P2RY6: variants seen among roughly 807,000 people sequenced by gnomAD.
P2RY6 encodes the protein P2Y purinoceptor 6.
P2RY6 carries 19 observed loss-of-function variants against 16.3 expected under a neutral mutation model. The ratio of observed to expected loss-of-function variants is 1.16; its 90% CI spans 0.81 to 1.71. The LOEUF is 1.71. P2RY6 is among the 40% of genes most tolerant of loss of function. P2RY6 has a pLI of 0.00. For missense variants in P2RY6, 389 were observed against 455.5 expected, an observed-to-expected ratio of 0.85 and a Z score of 1.33; for synonymous variants, 184 against 201.5, an observed-to-expected ratio of 0.91 and a Z score of 0.74.
chr11:73,270,620 T>C (rs530314053), upstream of P2RY6, among the ~76,000 whole-genome samples: 250 of 152,324 alleles, frequency 1.6e-3, no homozygotes, highest in Non-Finnish European at 3.1e-3. Context: ...TTGAGGGATG[T>C]GCTCCCTCTC....
chr11:73,297,320 A>G lies in P2RY6; in HGVS notation c.802A>G (p.Thr268Ala). Residue 268 changes from threonine (T) to alanine (A), a missense_variant, in exon 3 of 3, where the codon ACG becomes GCG. Transcript: ENST00000540124. Reference protein sequence around the residue: ...TKTAYLAVRSTPGVPCTVLEA... With the variant: ...TKTAYLAVRSAPGVPCTVLEA... ...GACAGCCTACCTGGCAGTGCGCTCG[A>G]CGCCGGGCGTCCCCTGCACTGTATT... is the stretch of plus-strand genomic sequence containing the variant. The G allele has an allele frequency of 1.9e-6, 3 of 1,610,368 alleles. No individual in the cohort carries two copies. The highest frequency in any genetic ancestry group is 1.7e-6 in the Non-Finnish European group (2 of 1,178,766).
intron 1 of P2RY6, among the ~76,000 whole-genome samples, chr11:73,281,186 A>G (rs1442324881): frequency 1.3e-5 from 2 of 152,074 alleles, no homozygotes; most frequent in African/African-American, 4.8e-5. Context: ...GGCACTGACC[A>G]CTCTAAATGG....
At position 73,292,209 on chromosome 11, in the gene P2RY6, C is replaced by T. The variant is rs559352816; in HGVS notation, c.-120-3521C>T. Among the ~76,000 whole-genome samples the T allele has an allele frequency of 5.9e-5, 9 of 152,342 alleles. No individual in the cohort carries two copies. The South Asian group carries it at 1.2e-3, about 21-fold the overall frequency. Reference sequence around the variant, plus strand: ...GCGCCTGCCGTGTGGAAGGGGCAGTCGCTGTGAAATGGGGGAATGTGGGAG... The same window carrying T: ...GCGCCTGCCGTGTGGAAGGGGCAGTTGCTGTGAAATGGGGGAATGTGGGAG... On this transcript the variant is annotated intron_variant, in intron 1 of 2. Transcript: ENST00000540124.
intron 1 of P2RY6, among the ~76,000 whole-genome samples, chr11:73,276,060 GTA>G (rs1269288419): frequency 6.6e-6 from 1 of 152,160 alleles, no homozygotes; most frequent in Non-Finnish European, 1.5e-5. Flanking sequence ...ACTCCGTGGG[GTA>G]CTTGTTCCAC....
At position 73,297,014 on chromosome 11, in the gene P2RY6, G is replaced by A. The variant is rs201755173; in HGVS notation, c.496G>A (p.Ala166Thr). The change falls in exon 3 of 3, where the codon GCT becomes ACT. Residue 166 changes from alanine (A) to threonine (T), a missense_variant. Physicochemically the swap from Ala to Thr is moderately conservative, Grantham distance 58. Coordinates refer to ENST00000540124, the MANE Select transcript of P2RY6 (RefSeq NM_001277204.2). ...TTQCLPTAIF[A>T]ATGIQRNRTV... ...CCAGTGCCTGCCCACAGCCATCTTCGCTGCCACAGGCATCCAGCGTAACCG... is the reference window on the plus strand; with the variant it reads ...CCAGTGCCTGCCCACAGCCATCTTCACTGCCACAGGCATCCAGCGTAACCG... 1.5e-4 allele frequency: 238 copies of A among 1,600,622 alleles called. 1 individual carries two copies. The highest frequency in any genetic ancestry group is 1.2e-3 in the Admixed American group (71 of 60,008).
At chr11:73,295,891 A>T in intron 2 of P2RY6, 76 bp downstream of exon 2, 1 of 485,266 alleles carries the variant, frequency 2.1e-6, no homozygotes, top group Middle Eastern at 1.0e-3. Context: ...GCGAAGATGC[A>T]GAGAGACACC....
chr11:73,288,903 G>A (rs925238914), intron 1 of P2RY6, among the ~76,000 whole-genome samples: 5 of 152,218 alleles, frequency 3.3e-5, no homozygotes, highest in Non-Finnish European at 5.9e-5. Flanking sequence ...ACCGGCCAGG[G>A]GCCAAGCAAG....
chr11:73,269,782 T>C (rs1863227727), upstream of P2RY6: 1 of 152,374 alleles, frequency 6.6e-6, no homozygotes, highest in East Asian at 1.9e-4. Flanking sequence ...CTGGGGTTGG[T>C]GGCTCTCAAG....
At chr11:73,272,564 A>C in intron 1 of P2RY6, 98 bp downstream of exon 1, 343 of 947,700 alleles carry the variant, frequency 3.6e-4, no homozygotes, top group South Asian at 6.3e-4. Context: ...ACCGAGGCTC[A>C]TCACAGGCAA....
chr11:73,271,933 C>T (rs796525688), upstream of P2RY6: 3 of 152,216 alleles, frequency 2.0e-5, no homozygotes, highest in African/African-American at 7.2e-5. Context: ...CTGAGAAAAC[C>T]AGGTTAATGG....
chr11:73,268,049 G>A (rs866080612), upstream of P2RY6, among the ~76,000 whole-genome samples: 1 of 152,280 alleles, frequency 6.6e-6, no homozygotes, highest in Non-Finnish European at 1.5e-5. Context: ...CTGCGTGCCT[G>A]CCGTGGGTGG....
upstream of P2RY6, among the ~76,000 whole-genome samples, chr11:73,267,854 G>A (rs1863156243): frequency 6.6e-6 from 1 of 152,218 alleles, no homozygotes; most frequent in Non-Finnish European, 1.5e-5. Flanking sequence ...AACCATCTGT[G>A]TTCTTGGGGA....
chr11:73,269,111 A>G (rs938428412), upstream of P2RY6, among the ~76,000 whole-genome samples: 2 of 152,196 alleles, frequency 1.3e-5, no homozygotes, highest in Non-Finnish European at 1.5e-5. Context: ...CGTGAAGGTC[A>G]GCCTGGCCAG....
chr11:73,287,612 G>A (rs1864020305), intron 1 of P2RY6, among the ~76,000 whole-genome samples: 1 of 152,250 alleles, frequency 6.6e-6, no homozygotes, highest in Non-Finnish European at 1.5e-5. Context: ...CTGGAGCCTG[G>A]TTATCTGGGA....
chr11:73,294,373 C>A (rs1159197695), intron 1 of P2RY6, among the ~76,000 whole-genome samples: 1 of 152,306 alleles, frequency 6.6e-6, no homozygotes, highest in Admixed American at 6.5e-5. Flanking sequence ...GGGAGGACTC[C>A]GTGAATCCCT....
rs780221559 is a variant in P2RY6, at chr11:73,296,619, C to T, written c.101C>T (p.Ser34Leu). The change falls in exon 3 of 3, where the codon TCG (serine) becomes TTG (leucine). Residue 34 changes from serine to leucine, a missense_variant. Ser to Leu is a moderately radical substitution (Grantham distance 145, BLOSUM62 -2). Transcript: ENST00000540124. ...FKQLLLPPVY[S>L]AVLAAGLPLN... is the part of the protein sequence containing the mutation. The stretch of plus-strand genomic sequence containing the variant: ...CAACTGCTGCTGCCACCTGTGTATT[C>T]GGCGGTGCTGGCGGCTGGCCTGCCG... 1.5e-5 allele frequency: 25 copies of T among 1,614,238 alleles called. No homozygotes were observed. The highest frequency in any genetic ancestry group is 2.2e-5 in the South Asian group (2 of 91,090).
chr11:73,296,431 C>G, intron 2 of P2RY6, 54 bp from the exon 3 acceptor site: 1 of 1,502,974 alleles, frequency 6.7e-7, no homozygotes, highest in Non-Finnish European at 9.1e-7. Context: ...AGGGGCAGGG[C>G]CTGCTGGGTG....
At chr11:73,290,358 AGAAAGAAG>A (rs1369404542) in intron 1 of P2RY6, among the ~76,000 whole-genome samples, 4,624 of 112,478 alleles carry the variant, frequency 0.041, 119 homozygotes, top group African/African-American at 0.084. Flanking sequence ...AAAGAAAGAA[AGAAAGAAG>A]GAAAGAAAGA....
Position 73,272,480 on chromosome 11 carries a change from G to T in P2RY6, c.-121+14G>T. ...GCTAACTCTTGGGTGAGTTTTCTGG[G>T]TCCATGCCTGGAAGGGCTTGCGCCC... On this transcript the variant is annotated intron_variant, in intron 1 of 2. Coordinates refer to ENST00000540124, the MANE Select transcript of P2RY6 (RefSeq NM_001277204.2). The T allele has an allele frequency of 1.0e-6, 1 of 985,522 alleles. No homozygotes were observed. Among genetic ancestry groups the T allele is most frequent in the Non-Finnish European group, 1.2e-6 (1 of 829,978 alleles). The allele number at this position is 985,522 out of a possible 1,614,324, so 61.0% of individuals were successfully genotyped here.
Sources: gnomAD v4.1 joint callset for allele counts (sites outside exome capture counted in the v4.1 genomes callset) on GRCh38, gnomAD v4.1.1 for gene constraint, MANE v1.5 for transcripts, NCBI Gene and HGNC (gene_info 2026-07-23, HGNC 2026-07-21) for gene names.